The following ATP2B3 variants were observed in gnomAD, a reference collection of about 807,000 sequenced individuals.
ATP2B3 encodes the protein ATPase plasma membrane Ca2+ transporting 3.
In ATP2B3, 12 loss-of-function variants were observed where a neutral mutation model predicts 70.8. That is an observed-to-expected ratio of 0.17 (90% CI 0.11 to 0.27). The LOEUF (loss-of-function observed/expected upper bound fraction) is 0.27. Among genes scored for constraint, ATP2B3 ranks in the 10% least tolerant of loss-of-function variants. ATP2B3 has a pLI of 1.00. For synonymous variants in ATP2B3, 460 were observed against 497.8 expected (o/e 0.92, Z 1.01); for missense variants, 858 against 1,118.5 (o/e 0.77, Z 3.32).
chrX:153,549,349 T>C, intron 10 of ATP2B3, 148 bp from the exon 11 acceptor site: 1 of 1,094,148 alleles, frequency 9.1e-7, no homozygotes, highest in African/African-American at 1.8e-5. Context: ...CGCTATTGGC[T>C]CAGGGCTGAC....
At chrX:153,568,999 C>T (rs1213735726) in intron 21 of ATP2B3, among the ~76,000 whole-genome samples, 1 of 112,782 alleles carries the variant, frequency 8.9e-6, no homozygotes, top group African/African-American at 3.2e-5. Flanking sequence ...CTTGCTTCCC[C>T]TTCAATTTGC....
Position 153,542,378 on chromosome X carries a change from C to T in ATP2B3, c.720C>T (p.Asp240=), listed in dbSNP as rs201197657. 186 of 1,210,321 alleles carry T rather than the reference C, an allele frequency of 1.5e-4. No homozygotes were observed. Among genetic ancestry groups the T allele is most frequent in the Admixed American group, 5.4e-4 (25 of 45,927 alleles). ...TCCAGGCCAATGACCTCAAGATCGA[C>T]GAGAGCTCCCTGACGGGCGAGTCTG... ...VLIQANDLKI[D]ESSLTGESDH... Residue 240 remains aspartate, a synonymous_variant, in exon 6 of 22, where the codon GAC becomes GAT. Transcript: ENST00000263519.
At chrX:153,562,925 T>G (rs1184455314) in intron 20 of ATP2B3, among the ~76,000 whole-genome samples, 1 of 111,787 alleles carries the variant, frequency 8.9e-6, no homozygotes, top group African/African-American at 3.3e-5. Context: ...GACAGCCGCC[T>G]CCTCACTCTG....
intron 21 of ATP2B3, among the ~76,000 whole-genome samples, chrX:153,566,860 A>T (rs2090715279): frequency 9.0e-6 from 1 of 111,090 alleles, no homozygotes; most frequent in Non-Finnish European, 1.9e-5. Flanking sequence ...TCTCACTCTC[A>T]CCACGGGCTC....
intron 21 of ATP2B3, among the ~76,000 whole-genome samples, chrX:153,576,026 A>T (rs1603133141): frequency 1.8e-5 from 2 of 112,044 alleles, no homozygotes; most frequent in East Asian, 5.6e-4. Flanking sequence ...TCCTAGGGGC[A>T]TCTCTCCCGG....
At chrX:153,554,904 CA>C (rs201511293) in intron 13 of ATP2B3, among the ~76,000 whole-genome samples, 5,740 of 112,369 alleles carry the variant, frequency 0.051, 399 homozygotes, top group African/African-American at 0.18. Context: ...CTGGGCTACA[CA>C]CACTGGGCCT....
chrX:153,550,022 T>C, intron 11 of ATP2B3, 23 bp from the exon 12 acceptor site: 1 of 1,204,693 alleles, frequency 8.3e-7, no homozygotes, highest in Non-Finnish European at 1.1e-6. Flanking sequence ...CCCCAGTGCC[T>C]GCTAGCCCTC....
chrX:153,579,873 C>G, intron 21 of ATP2B3, 105 bp from the exon 22 acceptor site: 199 of 688,441 alleles, frequency 2.9e-4, no homozygotes, highest in Non-Finnish European at 3.8e-4. Context: ...CACTGACTGT[C>G]TCCTTCCTTC....
chrX:153,541,590 G>A (rs1557006395), intron 4 of ATP2B3, 34 bp downstream of exon 4: 8 of 1,209,715 alleles, frequency 6.6e-6, no homozygotes, highest in Non-Finnish European at 7.8e-6. Flanking sequence ...GAAGGAGGAA[G>A]AGGAATGGGG....
chrX:153,580,235 T>G lies in ATP2B3; in HGVS notation c.3600T>G (p.Ala1200=). The G allele has an allele frequency of 8.5e-7, 1 of 1,182,880 alleles. No individual in the cohort carries two copies. Among genetic ancestry groups the G allele is most frequent in the Non-Finnish European group, 1.1e-6 (1 of 881,589 alleles). ...TGACCACGCATGTCACCAAGTCAGC[T>G]ACCTCTTCAGTGTTTTCCTCCAGTC... ...IYLTTHVTKS[A]TSSVFSSSPG... The change falls in exon 22 of 22, where the codon GCT becomes GCG. Residue 1200 remains alanine (A), a synonymous_variant. Transcript: ENST00000263519.
Position 153,549,710 on chromosome X carries a change from A to C in ATP2B3, c.1552A>C (p.Ile518Leu), listed in dbSNP as rs781840514. 3 of 1,211,672 alleles carry C rather than the reference A, an allele frequency of 2.5e-6. No individual in the cohort carries two copies. Among genetic ancestry groups the C allele is most frequent in the Non-Finnish European group, 1.1e-6 (1 of 895,415 alleles). ...ILDLLVHAISINSAYTTKILP... is the reference protein window; with the variant it reads ...ILDLLVHAISLNSAYTTKILP... ...CGACCTCCTGGTCCATGCCATCTCC[A>C]TCAACAGTGCCTATACCACCAAAAT... The change falls in exon 11 of 22, where the codon ATC (isoleucine) becomes CTC (leucine). Residue 518 changes from isoleucine (I) to leucine (L), a missense_variant. This residue lies in a region of ATP2B3 where 242 missense variants were observed against 281.3 expected (regional missense o/e 0.86). Coordinates refer to ENST00000263519, the MANE Select transcript of ATP2B3 (RefSeq NM_001001344.3).
intron 2 of ATP2B3, among the ~76,000 whole-genome samples, chrX:153,530,535 C>T (rs1036194708): frequency 2.7e-5 from 3 of 112,742 alleles, no homozygotes; most frequent in Non-Finnish European, 3.8e-5. Flanking sequence ...CCCTTGTTAA[C>T]GAGGACTTCC....
At chrX:153,557,845 T>G (rs1557014434) in intron 16 of ATP2B3, among the ~76,000 whole-genome samples, 1 of 104,302 alleles carries the variant, frequency 9.6e-6, no homozygotes, top group East Asian at 3.2e-4. Flanking sequence ...GCTGTGTTGA[T>G]GCCATGTCAT....
At chrX:153,557,285 TG>T (rs1356504589) in intron 16 of ATP2B3, among the ~76,000 whole-genome samples, 3 of 110,198 alleles carry the variant, frequency 2.7e-5, no homozygotes, top group Non-Finnish European at 5.7e-5. Flanking sequence ...GAATGGGGGG[TG>T]GGGGCTCATC....
chrX:153,569,455 G>A (rs911952259), intron 21 of ATP2B3: 36 of 674,555 alleles, frequency 5.3e-5, no homozygotes, highest in African/African-American at 4.5e-4. Flanking sequence ...TCCAAACATC[G>A]CCAGCTCCCA....
chrX:153,568,122 G>A (rs782696319), intron 21 of ATP2B3, among the ~76,000 whole-genome samples: 29 of 111,892 alleles, frequency 2.6e-4, no homozygotes, highest in Non-Finnish European at 5.1e-4. Flanking sequence ...TAACCTGCTC[G>A]CACCATGGTT....
At chrX:153,518,328 C>A (rs1216365102) in intron 1 of ATP2B3, among the ~76,000 whole-genome samples, 104 bp from the exon 2 acceptor site, 1 of 112,544 alleles carries the variant, frequency 8.9e-6, no homozygotes, top group African/African-American at 3.2e-5. Context: ...CGCACCGTTC[C>A]CCGCACGCCC....
At position 153,550,104 on chromosome X, in the gene ATP2B3, G is replaced by A. The variant is rs1366186935; in HGVS notation, c.1641G>A (p.Leu547=). The change falls in exon 12 of 22, where the codon CTG becomes CTA. Residue 547 remains leucine, a synonymous_variant. Coordinates refer to ENST00000263519, the MANE Select transcript of ATP2B3 (RefSeq NM_001001344.3). The part of the protein sequence containing the change: ...RQVGNKTECA[L]LGFVLDLKRD... Reference sequence around the variant, plus strand: ...TGGGCAATAAGACGGAGTGCGCCCTGCTGGGCTTCGTCTTGGACCTGAAGC... The same window carrying A: ...TGGGCAATAAGACGGAGTGCGCCCTACTGGGCTTCGTCTTGGACCTGAAGC... 8.3e-7 allele frequency: 1 copy of A among 1,211,634 alleles called. No individual in the cohort carries two copies. The highest frequency in any genetic ancestry group is 1.1e-6 in the Non-Finnish European group (1 of 895,540).
At chrX:153,578,878 A>G (rs1241542901) in intron 21 of ATP2B3, among the ~76,000 whole-genome samples, 1 of 112,199 alleles carries the variant, frequency 8.9e-6, no homozygotes, top group Non-Finnish European at 1.9e-5. Flanking sequence ...ACCAGATTGA[A>G]CCAGACCCAG....
Sources: allele counts gnomAD v4.1 joint callset (sites outside exome capture counted in the v4.1 genomes callset), GRCh38; gene constraint gnomAD v4.1.1; regional missense constraint gnomAD v4.1.1; transcripts MANE v1.5; gene names NCBI Gene and HGNC (gene_info 2026-07-23, HGNC 2026-07-21).